Variants in PCDHA1 observed in about 807,000 individuals in gnomAD.
PCDHA1 encodes the protein protocadherin alpha-1.
In PCDHA1, 42 loss-of-function variants were observed where a neutral mutation model predicts 61.3. The observed-to-expected ratio is 0.69, with a 90% confidence interval of 0.54 to 0.89. The LOEUF (loss-of-function observed/expected upper bound fraction) is 0.89, where lower values mean the gene tolerates loss of function less well. PCDHA1 is among the 40% of genes least tolerant of loss of function. The pLI is 0.00. For missense variants in PCDHA1, 1,256 were observed against 1,235.3 expected, an observed-to-expected ratio of 1.02 and a Z score of -0.25; for synonymous variants, 610 against 553.8, an observed-to-expected ratio of 1.10 and a Z score of -1.43.
At chr5:140,859,436 A>C (rs868952272) in intron 1 of PCDHA1, 6 of 225,632 alleles carry the variant, frequency 2.7e-5, no homozygotes, top group African/African-American at 1.2e-4. Flanking sequence ...AATGAAAGCT[A>C]ACTTAGTTGC....
intron 1 of PCDHA1, among the ~76,000 whole-genome samples, chr5:140,873,598 G>A (rs888999019): frequency 1.3e-5 from 2 of 152,148 alleles, no homozygotes; most frequent in Non-Finnish European, 2.9e-5. Flanking sequence ...AAACTTAGAT[G>A]TTCCTATTGG....
At chr5:140,983,226 T>C (rs892083218) in intron 3 of PCDHA1, among the ~76,000 whole-genome samples, 1 of 152,216 alleles carries the variant, frequency 6.6e-6, no homozygotes, top group Non-Finnish European at 1.5e-5. Context: ...ATCCAAACTT[T>C]CAGGAAAGAG....
chr5:140,955,639 C>T (rs2095212239), intron 1 of PCDHA1, among the ~76,000 whole-genome samples: 1 of 152,088 alleles, frequency 6.6e-6, no homozygotes, highest in African/African-American at 2.4e-5. Flanking sequence ...AGTGTGAGAA[C>T]AAATTAATAC....
chr5:140,788,276 G>T lies in PCDHA1; in HGVS notation c.1986G>T (p.Thr662=). The T allele has an allele frequency of 1.2e-6, 2 of 1,614,006 alleles. No homozygotes were observed. Among genetic ancestry groups the T allele is most frequent in the Non-Finnish European group, 1.7e-6 (2 of 1,179,938 alleles). The change falls in exon 1 of 4, where the codon ACG becomes ACT. Residue 662 remains threonine, a synonymous_variant. Coordinates refer to ENST00000504120, the MANE Select transcript of PCDHA1 (RefSeq NM_018900.4). ...KDHGEPALTA[T]ATVLVSLVES... ...ACGGTGAGCCGGCGCTGACAGCCAC[G>T]GCCACTGTGCTTGTATCTCTGGTGG... is the stretch of plus-strand genomic sequence containing the variant.
intron 1 of PCDHA1, chr5:140,882,333 C>T (rs1052199425): frequency 3.8e-5 from 61 of 1,614,102 alleles, no homozygotes; most frequent in Non-Finnish European, 5.0e-5. Flanking sequence ...CTGATCCTCG[C>T]AGCCTGGGAG....
At position 140,869,042 on chromosome 5, in the gene PCDHA1, A is replaced by G. The variant is rs74567119; in HGVS notation, c.2394+80358A>G. On this transcript the variant is annotated intron_variant, in intron 1 of 3. Transcript: ENST00000504120. The stretch of plus-strand genomic sequence containing the variant: ...GAATTCAACGAGATTTTTAACCTGA[A>G]ACTGAAGAATCTGGTACTGTAAGTG... The G allele has an allele frequency of 9.2e-4, 1,413 of 1,529,994 alleles. 13 individuals are homozygous for G. The African/African-American group carries it at 0.016, about 18-fold the overall frequency. The allele number at this position is 1,529,994 out of a possible 1,614,324, so 94.8% of individuals were successfully genotyped here.
intron 1 of PCDHA1, chr5:140,795,246 G>A (rs1249939086): frequency 9.9e-6 from 16 of 1,614,154 alleles, no homozygotes; most frequent in Middle Eastern, 3.3e-4. Context: ...ACCGGGAGGA[G>A]CTGTGCGGGC....
chr5:140,803,196 G>A (rs782115337), intron 1 of PCDHA1: 2 of 1,613,924 alleles, frequency 1.2e-6, no homozygotes, highest in Middle Eastern at 3.3e-4. Flanking sequence ...CACTGTGCTG[G>A]TGTCGCTGGT....
At chr5:140,877,594 T>G (rs782719581) in intron 1 of PCDHA1, 110 of 1,613,680 alleles carry the variant, frequency 6.8e-5, no homozygotes, top group Non-Finnish European at 9.3e-5. Context: ...CTGTGCGGTG[T>G]CCAGCCTGCT....
chr5:140,807,708 C>T, intron 1 of PCDHA1: 1 of 1,614,112 alleles, frequency 6.2e-7, no homozygotes, highest in Non-Finnish European at 8.5e-7. Flanking sequence ...AGACTGAGCC[C>T]AAATGAATAC....
At chr5:140,856,911 T>A in intron 1 of PCDHA1, 2 of 1,595,928 alleles carry the variant, frequency 1.3e-6, no homozygotes, top group East Asian at 2.2e-5. Flanking sequence ...CCACCCACGA[T>A]AAGAAGGAAA....
chr5:140,879,596 A>G (rs1324407694), intron 1 of PCDHA1, among the ~76,000 whole-genome samples: 1 of 152,240 alleles, frequency 6.6e-6, no homozygotes, highest in East Asian at 1.9e-4. Flanking sequence ...TGAAAAGTGA[A>G]AAACAATGTG....
Position 140,831,498 on chromosome 5 carries a change from C to A in PCDHA1, c.2394+42814C>A, listed in dbSNP as rs2150195161. Among the ~76,000 whole-genome samples the A allele has an allele frequency of 1.9e-3, 206 of 108,418 alleles. 1 individual carries two copies. Among genetic ancestry groups the A allele is most frequent in the Non-Finnish European group, 1.4e-3 (75 of 52,794 alleles). The allele number at this position is 108,418 out of a possible 152,430, so 71.1% of individuals were successfully genotyped here. ...CCTCAGCCTCTGGAGTTACTACACACGAGCACCACCATGCCCCCCACCTTT... is the reference window on the plus strand; with the variant it reads ...CCTCAGCCTCTGGAGTTACTACACAAGAGCACCACCATGCCCCCCACCTTT... On this transcript the variant is annotated intron_variant, in intron 1 of 3. Transcript: ENST00000504120.
At chr5:140,948,679 A>C (rs1318286539) in intron 1 of PCDHA1, among the ~76,000 whole-genome samples, 1 of 151,394 alleles carries the variant, frequency 6.6e-6, no homozygotes, top group Admixed American at 6.6e-5. Context: ...CATCTTTTTC[A>C]TTTTTGATAT....
chr5:140,966,925 A>C (rs782069766), intron 1 of PCDHA1: 1 of 1,603,462 alleles, frequency 6.2e-7, no homozygotes, highest in Non-Finnish European at 8.5e-7. Context: ...AGGAGCAGGC[A>C]CCCGGCGCGC....
rs1013385082 is a variant in PCDHA1 at position 140,821,701 on chromosome 5, T to C, written c.2394+33017T>C. ...AGGCGATAATATAAAAAATATATAG[T>C]TAATTGGGAATTGAATTTACAAAAT... On this transcript the variant is annotated intron_variant, in intron 1 of 3. Coordinates refer to ENST00000504120, the MANE Select transcript of PCDHA1 (RefSeq NM_018900.4). 1.6e-5 allele frequency: 23 copies of C among 1,421,100 alleles called. No homozygotes were observed. The African/African-American group carries it at 3.2e-4, about 20-fold the overall frequency. 88.0% of individuals were successfully genotyped at this position (1,421,100 alleles called of 1,614,324 possible). A position where few individuals can be genotyped will look rare whatever the true frequency, so the allele number is the denominator to read the frequency against.
chr5:140,852,108 G>A, intron 1 of PCDHA1: 1 of 906,254 alleles, frequency 1.1e-6, no homozygotes, highest in Non-Finnish European at 1.3e-6. Context: ...TATTTTACAA[G>A]GTATGACCTA....
At chr5:140,823,599 T>G (rs1554129472) in intron 1 of PCDHA1, 2 of 1,614,006 alleles carry the variant, frequency 1.2e-6, no homozygotes, top group Non-Finnish European at 1.7e-6. Flanking sequence ...GGCTTTCGTA[T>G]GAGCTGCAGC....
At chr5:140,822,890 G>A (rs976466535) in intron 1 of PCDHA1, 1 of 1,614,218 alleles carries the variant, frequency 6.2e-7, no homozygotes, top group Non-Finnish European at 8.5e-7. Context: ...GCTCTGATCA[G>A]CGTGTCTGAC....
Sources: gnomAD v4.1 joint callset for allele counts (sites outside exome capture counted in the v4.1 genomes callset) on GRCh38, gnomAD v4.1.1 for gene constraint, MANE v1.5 for transcripts, NCBI Gene and HGNC (gene_info 2026-07-23, HGNC 2026-07-21) for gene names.